ERI3: variants seen among roughly 807,000 people sequenced by gnomAD.
ERI3 encodes ERI1 exoribonuclease 3.
In ERI3, 18 loss-of-function variants were observed where a neutral mutation model predicts 44.4. That is an observed-to-expected ratio of 0.41 (90% CI 0.28 to 0.60). The LOEUF is 0.60. Among genes scored for constraint, ERI3 ranks in the 20% least tolerant of loss-of-function variants. The probability of loss-of-function intolerance (pLI) is 0.36; values close to 1 mark genes in which losing one functional copy is unlikely to be tolerated. For synonymous variants in ERI3, 183 were observed against 164.8 expected (o/e 1.11, Z -0.84); for missense variants, 294 against 435.5 (o/e 0.68, Z 2.89).
intron 6 of ERI3, among the ~76,000 whole-genome samples, chr1:44,287,184 A>T (rs952948905): frequency 1.3e-5 from 2 of 152,248 alleles, no homozygotes; most frequent in Non-Finnish European, 2.9e-5. Context: ...AGTAACGAGG[A>T]GGTCACAAGT....
chr1:44,352,969 C>T lies in ERI3; in HGVS notation c.136-44G>A, dbSNP rs200153192. ...CTCTGCAACAAGTCTATTTCAATAC[C>T]AAGGATCAAATCCCCATGAAGGATA... On this transcript the variant is annotated intron_variant, in intron 1 of 8. Transcript: ENST00000372257. 219 of 1,612,086 alleles carry T rather than the reference C, an allele frequency of 1.4e-4. No homozygotes were observed. The African/African-American group carries it at 2.7e-3, about 20-fold the overall frequency.
intron 2 of ERI3, among the ~76,000 whole-genome samples, chr1:44,340,050 C>T (rs1478856529): frequency 6.6e-6 from 1 of 150,940 alleles, no homozygotes; most frequent in Non-Finnish European, 1.5e-5. Context: ...CCCTGAATGA[C>T]TGCGGGACTT....
chr1:44,328,418 G>A (rs1646360383), intron 3 of ERI3, among the ~76,000 whole-genome samples: 2 of 152,008 alleles, frequency 1.3e-5, no homozygotes, highest in South Asian at 4.2e-4. Context: ...TTGCCTTTCA[G>A]AATCAGAAGC....
chr1:44,352,605 A>G (rs1646917790), intron 2 of ERI3, among the ~76,000 whole-genome samples: 1 of 152,226 alleles, frequency 6.6e-6, no homozygotes, highest in South Asian at 2.1e-4. Context: ...CAGTTGTGAC[A>G]GAACTTGACA....
At position 44,241,864 on chromosome 1, in the gene ERI3, T is replaced by A; in HGVS notation, c.931+6075A>T. 1.5e-6 allele frequency: 1 copy of A among 689,308 alleles called. No individual in the cohort carries two copies. The highest frequency in any genetic ancestry group is 1.8e-6 in the Non-Finnish European group (1 of 561,066). 42.7% of individuals were successfully genotyped at this position (689,308 alleles called of 1,614,324 possible). ...CATACATACATACAGGAGAACCTTC[T>A]TCCATCCATCTGTCCATCAACTCAC... On this transcript the variant is annotated intron_variant, in intron 8 of 8. Transcript: ENST00000372257. The surrounding 1 kb of genome is among the most constrained non-coding windows in gnomAD (Gnocchi z 5.6).
At chr1:44,286,486 T>C (rs1399783072) in intron 6 of ERI3, among the ~76,000 whole-genome samples, 2 of 152,172 alleles carry the variant, frequency 1.3e-5, no homozygotes, top group Non-Finnish European at 2.9e-5. Flanking sequence ...AATATAATTA[T>C]TAATGTAATC....
chr1:44,354,554 G>A (rs1646958282), intron 1 of ERI3: 3 of 985,270 alleles, frequency 3.0e-6, no homozygotes, highest in Non-Finnish European at 1.2e-6. Flanking sequence ...TTACAAAGAG[G>A]TAAACTGCTA....
intron 4 of ERI3, among the ~76,000 whole-genome samples, chr1:44,317,109 G>A (rs966802986): frequency 6.2e-4 from 94 of 151,728 alleles, no homozygotes; most frequent in Non-Finnish European, 2.4e-4. Context: ...CCAAGCATGT[G>A]CCCATGTGTG....
At position 44,305,952 on chromosome 1, in the gene ERI3, A is replaced by G. The variant is rs142635012; in HGVS notation, c.758+2358T>C. 5.3e-5 allele frequency among the ~76,000 whole-genome samples: 8 copies of G among 152,334 alleles called. No individual in the cohort carries two copies. The East Asian group carries it at 1.5e-3, about 29-fold the overall frequency. The stretch of plus-strand genomic sequence containing the variant: ...CTTGTCAGGCTCATCTGCAGCCTTT[A>G]CCGGGCGCATAAAAAGGTGATGGCT... On this transcript the variant is annotated intron_variant, in intron 6 of 8. Coordinates refer to ENST00000372257, the MANE Select transcript of ERI3 (RefSeq NM_024066.3).
intron 7 of ERI3, among the ~76,000 whole-genome samples, chr1:44,259,875 C>CTAGATAGATAGATAGATAGATAGA (rs71036672): frequency 1.4e-4 from 19 of 135,958 alleles, no homozygotes; most frequent in South Asian, 7.6e-4. Flanking sequence ...GGAAAACCCT[C>CTAGATAGATAGATAGATAGATAGA]TAGATAGATA....
intron 7 of ERI3, among the ~76,000 whole-genome samples, chr1:44,282,123 C>T (rs1645303490): frequency 6.6e-6 from 1 of 152,030 alleles, no homozygotes; most frequent in Non-Finnish European, 1.5e-5. Context: ...GGAAACTTGG[C>T]CATTGAAAAG....
intron 3 of ERI3, among the ~76,000 whole-genome samples, chr1:44,333,144 T>C (rs536595718): frequency 2.5e-4 from 38 of 152,324 alleles, no homozygotes; most frequent in South Asian, 4.1e-4. Flanking sequence ...TTTAATGTCT[T>C]AACATATAAC....
At chr1:44,233,854 G>T (rs914294734) in intron 8 of ERI3, among the ~76,000 whole-genome samples, 2 of 152,132 alleles carry the variant, frequency 1.3e-5, no homozygotes, top group African/African-American at 4.8e-5. Context: ...TTACACTCAA[G>T]ATCTTATTTC....
At chr1:44,301,686 T>C (rs1645729388) in intron 6 of ERI3, among the ~76,000 whole-genome samples, 1 of 152,210 alleles carries the variant, frequency 6.6e-6, no homozygotes, top group South Asian at 2.1e-4. Flanking sequence ...GGGGAGGTTC[T>C]GGGCACGCTA....
At chr1:44,286,722 A>T (rs545048078) in intron 6 of ERI3, among the ~76,000 whole-genome samples, 1 of 152,308 alleles carries the variant, frequency 6.6e-6, no homozygotes, top group East Asian at 1.9e-4. Context: ...CTTAAACACT[A>T]GTCTGTCTCC....
chr1:44,318,058 G>A (rs187677984), intron 4 of ERI3, among the ~76,000 whole-genome samples: 94 of 152,302 alleles, frequency 6.2e-4, no homozygotes, highest in Middle Eastern at 3.4e-3. Context: ...CTTGGGTGAA[G>A]CTTTCTAGAG....
At chr1:44,294,645 C>G (rs4660783) in intron 6 of ERI3, among the ~76,000 whole-genome samples, 4,085 of 152,302 alleles carry the variant, frequency 0.027, 85 homozygotes, top group Middle Eastern at 0.041. Context: ...CCAGAGCTCT[C>G]TTTCCTAGAT....
chr1:44,312,090 C>G (rs187213989), intron 5 of ERI3, among the ~76,000 whole-genome samples: 3 of 152,078 alleles, frequency 2.0e-5, no homozygotes, highest in African/African-American at 7.2e-5. Flanking sequence ...CTGACCCTGG[C>G]TCCATCCTTG....
chr1:44,252,405 G>A lies in ERI3; in HGVS notation c.832-4367C>T, dbSNP rs551012351. ...ATTAGCTTAGTGGCCAGCCATCTGC[G>A]ACGGGCCTGCCGCATAGCCCTGCTG... On this transcript the variant is annotated intron_variant, in intron 7 of 8. Transcript: ENST00000372257. This position sits in a 1 kb window ranked among gnomAD's most constrained non-coding sequence, Gnocchi z 4.7. Among the ~76,000 whole-genome samples, 36 of 152,352 alleles carry A rather than the reference G, an allele frequency of 2.4e-4. No homozygotes were observed. The highest frequency in any genetic ancestry group is 7.5e-4 in the African/African-American group (31 of 41,582).
Sources: allele counts gnomAD v4.1 joint callset (sites outside exome capture counted in the v4.1 genomes callset), GRCh38; gene constraint gnomAD v4.1.1; non-coding constraint Gnocchi (gnomAD v3.1); transcripts MANE v1.5; gene names NCBI Gene and HGNC (gene_info 2026-07-23, HGNC 2026-07-21).